SOCS5: variants seen among roughly 807,000 people sequenced by gnomAD.
SOCS5 encodes the protein CIS-6.
In SOCS5, 32 loss-of-function variants were observed where a neutral mutation model predicts 42.8. The ratio of observed to expected loss-of-function variants is 0.75; its 90% CI spans 0.56 to 1.01. The LOEUF is 1.01. Ranked by LOEUF, SOCS5 falls within the 50% of genes least tolerant of loss-of-function variation. SOCS5 has a pLI of 0.00. For missense variants in SOCS5, 627 were observed against 653.0 expected (o/e 0.96, Z 0.43); for synonymous variants, 283 against 229.6 (o/e 1.23, Z -2.10).
intron 1 of SOCS5, among the ~76,000 whole-genome samples, chr2:46,724,847 T>C (rs1048362676): frequency 1.3e-5 from 2 of 152,044 alleles, no homozygotes; most frequent in African/African-American, 4.8e-5. Flanking sequence ...TTGCTCTTCC[T>C]GGGTAGAATG....
intron 1 of SOCS5, among the ~76,000 whole-genome samples, chr2:46,748,964 G>A (rs540680582): frequency 7.9e-5 from 12 of 152,292 alleles, no homozygotes; most frequent in African/African-American, 2.9e-4. Context: ...TAAGCTGTCT[G>A]CTAAATTCCT....
Position 46,746,922 on chromosome 2 carries a change from C to CTTTTTTTTTTTTTT in SOCS5, c.-12-11589_-12-11576dup, listed in dbSNP as rs11373537. 3.5e-3 allele frequency among the ~76,000 whole-genome samples: 245 copies of CTTTTTTTTTTTTTT among 70,760 alleles called. 1 individual carries two copies. Among genetic ancestry groups the CTTTTTTTTTTTTTT allele is most frequent in the Non-Finnish European group, 4.6e-3 (164 of 35,374 alleles). 46.4% of individuals were successfully genotyped at this position (70,760 alleles called of 152,430 possible). A position where few individuals can be genotyped will look rare whatever the true frequency, so the allele number is the denominator to read the frequency against. On this transcript the variant is annotated intron_variant, in intron 1 of 1. Coordinates refer to ENST00000394861, the MANE Select transcript of SOCS5 (RefSeq NM_144949.3). ...TTTTCCAATTTGCATGACTTTATTT[C>CTTTTTTTTTTTTTT]TTTTTTTTTTTTTTTTTTTTTGCCT...
At chr2:46,742,332 C>G (rs1192843921) in intron 1 of SOCS5, among the ~76,000 whole-genome samples, 1 of 151,762 alleles carries the variant, frequency 6.6e-6, no homozygotes, top group Non-Finnish European at 1.5e-5. Flanking sequence ...CAAGCATCCT[C>G]TCCATACCCC....
chr2:46,719,990 A>G lies in SOCS5; in HGVS notation c.-13+20541A>G, dbSNP rs545837236. 4.5e-4 allele frequency among the ~76,000 whole-genome samples: 68 copies of G among 152,306 alleles called. 1 individual carries two copies. The highest frequency in any genetic ancestry group is 8.9e-4 in the African/African-American group (37 of 41,564). ...TTATATTAAGAAACAATATCAAGCT[A>G]TGATAGTCTGATGGCCCACCTTTTC... On this transcript the variant is annotated intron_variant, in intron 1 of 1. Coordinates refer to ENST00000394861, the MANE Select transcript of SOCS5 (RefSeq NM_144949.3).
intron 1 of SOCS5, among the ~76,000 whole-genome samples, chr2:46,700,180 A>C (rs984331016): frequency 4.6e-5 from 7 of 152,174 alleles, no homozygotes; most frequent in Admixed American, 1.3e-4. Flanking sequence ...CAGTGTAAAT[A>C]CATCTTGGTT....
chr2:46,720,242 C>G (rs761098595), intron 1 of SOCS5, among the ~76,000 whole-genome samples: 20 of 152,256 alleles, frequency 1.3e-4, no homozygotes, highest in African/African-American at 4.6e-4. Flanking sequence ...AGATTGTTTT[C>G]TTGTACATCT....
At chr2:46,712,336 C>CT (rs70940636) in intron 1 of SOCS5, among the ~76,000 whole-genome samples, 17,334 of 65,046 alleles carry the variant, frequency 0.27, 4,029 homozygotes, top group Non-Finnish European at 0.34. Flanking sequence ...GGATGTTTAG[C>CT]TTTTTTTTTT....
At chr2:46,754,912 C>T (rs774845270) in intron 1 of SOCS5, among the ~76,000 whole-genome samples, 3 of 152,108 alleles carry the variant, frequency 2.0e-5, no homozygotes, top group East Asian at 1.9e-4. Flanking sequence ...TACTGTCAAA[C>T]GTATTATCTT....
At chr2:46,753,395 A>G (rs920380024) in intron 1 of SOCS5, among the ~76,000 whole-genome samples, 2 of 152,240 alleles carry the variant, frequency 1.3e-5, no homozygotes, top group African/African-American at 2.4e-5. Context: ...TGATTCAGTC[A>G]GAACCAGTTG....
chr2:46,747,302 C>T (rs956817226), intron 1 of SOCS5, among the ~76,000 whole-genome samples: 10 of 152,192 alleles, frequency 6.6e-5, no homozygotes, highest in African/African-American at 2.4e-4. Flanking sequence ...CTCACTGCAG[C>T]CTTTACCTCC....
intron 1 of SOCS5, among the ~76,000 whole-genome samples, chr2:46,715,242 G>A (rs1053737990): frequency 5.9e-5 from 9 of 151,682 alleles, no homozygotes; most frequent in Admixed American, 2.6e-4. Context: ...ATGGTGGCTC[G>A]TGCCTGTAAT....
chr2:46,704,452 G>T (rs550222949), intron 1 of SOCS5, among the ~76,000 whole-genome samples: 1 of 152,354 alleles, frequency 6.6e-6, no homozygotes, highest in African/African-American at 2.4e-5. Flanking sequence ...GTAGTTGGAG[G>T]AAGGGGAGTT....
upstream of SOCS5, chr2:46,699,186 T>TGGGGGTTG (rs1572824606): frequency 7.1e-6 from 1 of 141,212 alleles, no homozygotes; most frequent in East Asian, 2.4e-4. The surrounding 1 kb of genome is among the most constrained non-coding windows in gnomAD (Gnocchi z 4.8). Flanking sequence ...TCCATTCTGG[T>TGGGGGTTG]GGGGGTTGGG....
Position 46,730,416 on chromosome 2 carries a change from C to T in SOCS5, c.-12-28103C>T, listed in dbSNP as rs561929079. Among the ~76,000 whole-genome samples, 6 of 152,090 alleles carry T rather than the reference C, an allele frequency of 3.9e-5. No homozygotes were observed. The East Asian group carries it at 9.7e-4, about 25-fold the overall frequency. On this transcript the variant is annotated intron_variant, in intron 1 of 1. Coordinates refer to ENST00000394861, the MANE Select transcript of SOCS5 (RefSeq NM_144949.3). ...AGGAGTTTGAGACCAGCCTGGCCAACATGGTGAAACCCCGTCTCTACTAAA... is the reference window on the plus strand; with the variant it reads ...AGGAGTTTGAGACCAGCCTGGCCAATATGGTGAAACCCCGTCTCTACTAAA...
chr2:46,753,001 C>T (rs1030952757), intron 1 of SOCS5, among the ~76,000 whole-genome samples: 9 of 152,154 alleles, frequency 5.9e-5, no homozygotes, highest in Non-Finnish European at 5.9e-5. Flanking sequence ...TGCTTGGACT[C>T]CTGCAGTAGT....
intron 1 of SOCS5, among the ~76,000 whole-genome samples, chr2:46,717,409 T>C (rs1672773036): frequency 6.6e-6 from 1 of 152,208 alleles, no homozygotes; most frequent in Non-Finnish European, 1.5e-5. Flanking sequence ...GTTTTCTACT[T>C]GTTTGTAACT....
At chr2:46,718,381 C>T (rs1672797610) in intron 1 of SOCS5, among the ~76,000 whole-genome samples, 1 of 152,012 alleles carries the variant, frequency 6.6e-6, no homozygotes, top group Non-Finnish European at 1.5e-5. Context: ...ACTTTTTAGA[C>T]TATGGCTTTA....
rs1673910339 is a variant in SOCS5 at position 46,763,069 on chromosome 2, C to G, written c.*2928C>G. The G allele has an allele frequency of 6.0e-6, 1 of 167,028 alleles. No homozygotes were observed. Among genetic ancestry groups the G allele is most frequent in the Admixed American group, 6.5e-5 (1 of 15,274 alleles). The allele number at this position is 167,028 out of a possible 1,614,324, so 10.3% of individuals were successfully genotyped here. The stretch of plus-strand genomic sequence containing the variant: ...TACTATTCGAATTTTATTATCTGCA[C>G]TAAAAGTTTAGCCTTGCTACTTTAG... On this transcript the variant is annotated 3_prime_UTR_variant, in exon 2 of 2. Transcript: ENST00000394861.
intron 1 of SOCS5, among the ~76,000 whole-genome samples, chr2:46,712,896 T>C (rs1672660370): frequency 6.6e-6 from 1 of 152,234 alleles, no homozygotes; most frequent in African/African-American, 2.4e-5. Flanking sequence ...ATCAGAGTTA[T>C]GCTGACTTTT....
Sources: allele counts gnomAD v4.1 joint callset (sites outside exome capture counted in the v4.1 genomes callset), GRCh38; gene constraint gnomAD v4.1.1; non-coding constraint Gnocchi (gnomAD v3.1); transcripts MANE v1.5; gene names NCBI Gene and HGNC (gene_info 2026-07-23, HGNC 2026-07-21).